Variants in PRIMA1 observed in about 807,000 individuals in gnomAD.
The protein encoded by PRIMA1 is proline-rich membrane anchor 1.
In PRIMA1, 7 loss-of-function variants were observed where a neutral mutation model predicts 17.5. That is an observed-to-expected ratio of 0.40 (90% confidence interval 0.23 to 0.75). The LOEUF (loss-of-function observed/expected upper bound fraction) is 0.75, where lower values mean the gene tolerates loss of function less well. Ranked by LOEUF, PRIMA1 falls within the 30% of genes least tolerant of loss-of-function variation. The pLI is 0.37. For missense variants in PRIMA1, 200 were observed against 201.8 expected, an observed-to-expected ratio of 0.99 and a Z score of 0.05; for synonymous variants, 97 against 77.9, an observed-to-expected ratio of 1.25 and a Z score of -1.29.
Position 93,775,190 on chromosome 14 carries a change from T to C in PRIMA1, c.229+3986A>G, listed in dbSNP as rs139171499. 1.6e-3 allele frequency among the ~76,000 whole-genome samples: 247 copies of C among 152,238 alleles called. 2 individuals carry two copies. Among genetic ancestry groups the C allele is most frequent in the African/African-American group, 5.5e-3 (229 of 41,530 alleles). ...ATGCAAAGGACATCAGATGAGCAAA[T>C]GGGACAAGGACTGGCACATGCCTTG... On this transcript the variant is annotated intron_variant, in intron 3 of 4. Transcript: ENST00000393140.
chr14:93,759,520 C>T lies in PRIMA1; in HGVS notation c.229+19656G>A, dbSNP rs149524588. On this transcript the variant is annotated intron_variant, in intron 3 of 4. Coordinates refer to ENST00000393140, the MANE Select transcript of PRIMA1 (RefSeq NM_178013.4). ...ATGTGTGCGTGTGCATGTGTGTGTGCGTGTGTGTGCATGTGTATTGTGTGT... is the reference window on the plus strand; with the variant it reads ...ATGTGTGCGTGTGCATGTGTGTGTGTGTGTGTGTGCATGTGTATTGTGTGT... Among the ~76,000 whole-genome samples, 1,070 of 151,842 alleles carry T rather than the reference C, an allele frequency of 7.0e-3. 8 individuals carry two copies. The highest frequency in any genetic ancestry group is 0.025 in the African/African-American group (1,030 of 41,396).
chr14:93,784,637 A>G (rs372676718), intron 2 of PRIMA1, among the ~76,000 whole-genome samples: 12 of 152,044 alleles, frequency 7.9e-5, no homozygotes, highest in African/African-American at 2.9e-4. Context: ...GGGTCTTCCA[A>G]AGTCCCTCTC....
chr14:93,783,386 T>C (rs908009112), intron 2 of PRIMA1, among the ~76,000 whole-genome samples: 2 of 152,186 alleles, frequency 1.3e-5, no homozygotes, highest in African/African-American at 4.8e-5. Context: ...TGCCCACCAG[T>C]GGGGAAACAC....
At chr14:93,785,927 T>C (rs992710158) in intron 2 of PRIMA1, among the ~76,000 whole-genome samples, 1 of 151,908 alleles carries the variant, frequency 6.6e-6, no homozygotes, top group African/African-American at 2.4e-5. Flanking sequence ...CACCCCTGCT[T>C]GTGTAAGTAC....
chr14:93,727,091 G>A (rs1466752331), intron 4 of PRIMA1, among the ~76,000 whole-genome samples: 9 of 152,108 alleles, frequency 5.9e-5, no homozygotes, highest in South Asian at 4.2e-4. Context: ...AGCCTCCATC[G>A]CCCAGGGGGG....
At chr14:93,748,541 G>C (rs2076240926) in intron 3 of PRIMA1, among the ~76,000 whole-genome samples, 1 of 152,142 alleles carries the variant, frequency 6.6e-6, no homozygotes, top group Non-Finnish European at 1.5e-5. Flanking sequence ...GCCAGCAAAG[G>C]AAGGAACGGG....
chr14:93,739,283 C>T (rs1387770023), intron 3 of PRIMA1, among the ~76,000 whole-genome samples: 2 of 152,122 alleles, frequency 1.3e-5, no homozygotes, highest in East Asian at 1.9e-4. Context: ...AACTCCTGAC[C>T]TCAGGTGATC....
At chr14:93,780,661 G>C (rs897289028) in intron 2 of PRIMA1, among the ~76,000 whole-genome samples, 1 of 152,192 alleles carries the variant, frequency 6.6e-6, no homozygotes, top group African/African-American at 2.4e-5. Context: ...AAATTTTGCA[G>C]GTGGAGCTGG....
chr14:93,737,847 C>T (rs1393473845), intron 3 of PRIMA1, among the ~76,000 whole-genome samples: 3 of 151,978 alleles, frequency 2.0e-5, no homozygotes, highest in African/African-American at 7.3e-5. Flanking sequence ...CCTCCCTCGG[C>T]ATGAGCTAAC....
intron 3 of PRIMA1, among the ~76,000 whole-genome samples, chr14:93,767,069 C>A (rs77474375): frequency 6.6e-6 from 1 of 152,190 alleles, no homozygotes; most frequent in Non-Finnish European, 1.5e-5. Context: ...CCATGACCAA[C>A]GTCTGCAATA....
intron 3 of PRIMA1, among the ~76,000 whole-genome samples, chr14:93,773,959 G>A (rs1885137915): frequency 6.6e-6 from 1 of 152,142 alleles, no homozygotes; most frequent in African/African-American, 2.4e-5. Context: ...ACGTGTGGCG[G>A]CTCATGCCTG....
chr14:93,771,065 TGTGTGC>T (rs1412799242), intron 3 of PRIMA1, among the ~76,000 whole-genome samples: 2 of 151,252 alleles, frequency 1.3e-5, no homozygotes, highest in East Asian at 1.9e-4. Flanking sequence ...TGTATGTGTG[TGTGTGC>T]ATGTATGTGT....
chr14:93,787,603 A>T, intron 2 of PRIMA1, 23 bp downstream of exon 2: 1 of 1,539,230 alleles, frequency 6.5e-7, no homozygotes, highest in Non-Finnish European at 8.7e-7. Context: ...CCTCCCAGCC[A>T]GTGCGCAGCC....
rs1295852576 is a variant in PRIMA1, at chr14:93,779,291, C to G, written c.114G>C (p.Gln38His). The G allele has an allele frequency of 1.9e-6, 3 of 1,554,684 alleles. No homozygotes were observed. Among genetic ancestry groups the G allele is most frequent in the African/African-American group, 1.4e-5 (1 of 70,786 alleles). ...TGTCAGTCACTTTGGAGCAGGACTTCTGGGGCTCACCATGCGTCACCTGTA... is the reference window on the plus strand; with the variant it reads ...TGTCAGTCACTTTGGAGCAGGACTTGTGGGGCTCACCATGCGTCACCTGTA... ...GFVQVTHGEP[Q>H]KSCSKVTDSC... The change falls in exon 3 of 5, where the codon CAG (glutamine) becomes CAC (histidine). Residue 38 changes from glutamine to histidine, a missense_variant. Transcript: ENST00000393140.
At chr14:93,748,919 C>T (rs2076243850) in intron 3 of PRIMA1, among the ~76,000 whole-genome samples, 1 of 152,004 alleles carries the variant, frequency 6.6e-6, no homozygotes, top group African/African-American at 2.4e-5. Context: ...TCAGCTTTTC[C>T]CGGTGCAAGG....
At chr14:93,757,846 T>G (rs974981397) in intron 3 of PRIMA1, among the ~76,000 whole-genome samples, 1 of 152,240 alleles carries the variant, frequency 6.6e-6, no homozygotes, top group African/African-American at 2.4e-5. Flanking sequence ...GCCAAGAACT[T>G]GAAGAGAACC....
intron 3 of PRIMA1, among the ~76,000 whole-genome samples, chr14:93,765,311 C>A (rs1391707730): frequency 1.3e-5 from 2 of 151,738 alleles, no homozygotes; most frequent in Admixed American, 6.6e-5. Flanking sequence ...TCAGCATGCA[C>A]TTTCCATGTG....
chr14:93,779,186 G>A lies in PRIMA1; in HGVS notation c.219C>T (p.Leu73=). Residue 73 remains leucine (L), a synonymous_variant, in exon 3 of 5, where the codon CTC becomes CTT. Transcript: ENST00000393140. ...TGAGCCATTACTTACCTGGGGCGGA[G>A]AGGAGTCTGGGAGGTGGCGGGGGTG... is the stretch of plus-strand genomic sequence containing the variant. ...PPPPPPPPRL[L]SAPAPNSTSC... is the part of the protein sequence containing the mutation. 6.9e-7 allele frequency: 1 copy of A among 1,459,282 alleles called. No homozygotes were observed. The highest frequency in any genetic ancestry group is 9.0e-7 in the Non-Finnish European group (1 of 1,110,574). 90.4% of individuals were successfully genotyped at this position (1,459,282 alleles called of 1,614,324 possible).
intron 4 of PRIMA1, among the ~76,000 whole-genome samples, chr14:93,725,266 G>A (rs767890441): frequency 3.3e-5 from 5 of 150,528 alleles, no homozygotes; most frequent in Non-Finnish European, 6.0e-5. Context: ...GGGAGCCCGC[G>A]CGTGGTGATG....
Sources: gnomAD v4.1 joint callset for allele counts (sites outside exome capture counted in the v4.1 genomes callset) on GRCh38, gnomAD v4.1.1 for gene constraint, MANE v1.5 for transcripts, NCBI Gene and HGNC (gene_info 2026-07-23, HGNC 2026-07-21) for gene names.